Variants in KIN observed in about 807,000 individuals in gnomAD.
The protein encoded by KIN is DNA/RNA-binding protein KIN17.
In KIN, 47 loss-of-function variants were observed where a neutral mutation model predicts 63.0. The ratio of observed to expected loss-of-function variants is 0.75; its 90% CI spans 0.59 to 0.95. KIN has a LOEUF of 0.95. Ranked by LOEUF, KIN falls within the 40% of genes least tolerant of loss-of-function variation. The pLI is 0.00. For synonymous variants in KIN, 160 were observed against 157.7 expected (o/e 1.01, Z -0.11); for missense variants, 408 against 460.9 (o/e 0.89, Z 1.05).
intron 2 of KIN, 115 bp downstream of exon 2, chr10:7,782,966 G>A (rs946051076): frequency 6.5e-6 from 3 of 459,482 alleles, no homozygotes; most frequent in Non-Finnish European, 1.1e-5. Context: ...AGCATAGAGA[G>A]AATACAGTTA....
intron 5 of KIN, among the ~76,000 whole-genome samples, chr10:7,776,216 C>T (rs1269511621): frequency 7.1e-5 from 10 of 141,244 alleles, no homozygotes; most frequent in Admixed American, 4.3e-4. Flanking sequence ...GGTGACAGAA[C>T]GAGACTCCAT....
chr10:7,755,995 C>G lies in KIN; in HGVS notation c.*85G>C, dbSNP rs1256429380. The G allele has an allele frequency of 2.7e-6, 2 of 750,556 alleles. No individual in the cohort carries two copies. The highest frequency in any genetic ancestry group is 4.9e-5 in the Admixed American group (2 of 41,004). The allele number at this position is 750,556 out of a possible 1,614,324, so 46.5% of individuals were successfully genotyped here. ...TTTGTTTTATACAAAAGAATATACC[C>G]TAACACAGTAGAGTCTCATAATGCC... is the stretch of plus-strand genomic sequence containing the variant. On this transcript the variant is annotated 3_prime_UTR_variant, in exon 13 of 13. Coordinates refer to ENST00000379562, the MANE Select transcript of KIN (RefSeq NM_012311.4).
At chr10:7,768,837 T>C (rs1835606698) in intron 8 of KIN, among the ~76,000 whole-genome samples, 1 of 151,892 alleles carries the variant, frequency 6.6e-6, no homozygotes, top group African/African-American at 2.4e-5. Flanking sequence ...GCAAACATGG[T>C]GAAACCCCAT....
Position 7,762,570 on chromosome 10 carries a change from T to C in KIN, c.919-14A>G. On this transcript the variant is annotated splice_polypyrimidine_tract_variant and intron_variant, in intron 10 of 12. Coordinates refer to ENST00000379562, the MANE Select transcript of KIN (RefSeq NM_012311.4). The stretch of plus-strand genomic sequence containing the variant: ...GTCAATTACTTCCTGTCATGTAAAA[T>C]GAACACTTTTATAATAGAAGAAATA... The C allele has an allele frequency of 1.4e-6, 2 of 1,459,110 alleles. No individual in the cohort carries two copies. The highest frequency in any genetic ancestry group is 1.9e-6 in the Non-Finnish European group (2 of 1,044,558). The allele number at this position is 1,459,110 out of a possible 1,614,324, so 90.4% of individuals were successfully genotyped here.
At chr10:7,774,802 T>C in intron 7 of KIN, 29 bp downstream of exon 7, 1 of 1,559,504 alleles carries the variant, frequency 6.4e-7, no homozygotes, top group Non-Finnish European at 8.8e-7. Flanking sequence ...TCCTAATGTT[T>C]TAAGATATCC....
At chr10:7,784,518 T>A (rs1427309213) in intron 1 of KIN, among the ~76,000 whole-genome samples, 1 of 151,570 alleles carries the variant, frequency 6.6e-6, no homozygotes, top group Non-Finnish European at 1.5e-5. Flanking sequence ...AGCCCAGGAG[T>A]TGGAGGATGC....
chr10:7,752,687 C>A lies in KIN; in HGVS notation c.*3393G>T, dbSNP rs1835261474. The A allele has an allele frequency of 6.6e-6, 1 of 152,198 alleles. No individual in the cohort carries two copies. The highest frequency in any genetic ancestry group is 1.5e-5 in the Non-Finnish European group (1 of 68,050). The allele number at this position is 152,198 out of a possible 1,614,324, so 9.4% of individuals were successfully genotyped here. A position where few individuals can be genotyped will look rare whatever the true frequency, so the allele number is the denominator to read the frequency against. On this transcript the variant is annotated 3_prime_UTR_variant, in exon 13 of 13. Coordinates refer to ENST00000379562, the MANE Select transcript of KIN (RefSeq NM_012311.4). ...CAAGATATCCTTCAGTAGGTGAGTG[C>A]ATAAACTGTGGTGCATTCAGACAAT...
At chr10:7,774,978 G>A in intron 6 of KIN, 87 bp from the exon 7 acceptor site, 2 of 947,714 alleles carry the variant, frequency 2.1e-6, no homozygotes, top group Non-Finnish European at 3.3e-6. Flanking sequence ...AGTGTTCACA[G>A]AGGAACTCCA....
intron 8 of KIN, among the ~76,000 whole-genome samples, chr10:7,768,982 A>G (rs1428844156): frequency 1.3e-5 from 2 of 152,054 alleles, no homozygotes; most frequent in African/African-American, 4.8e-5. Context: ...GTGCCACTGC[A>G]CTCCAGCCTG....
intron 5 of KIN, among the ~76,000 whole-genome samples, chr10:7,776,929 C>G (rs1258577751): frequency 2.0e-5 from 3 of 150,250 alleles, no homozygotes; most frequent in Non-Finnish European, 4.4e-5. Context: ...CATTGTGGTG[C>G]ACACCTATAG....
At chr10:7,783,243 T>A in intron 1 of KIN, 68 bp from the exon 2 acceptor site, 1 of 739,892 alleles carries the variant, frequency 1.4e-6, no homozygotes, top group Non-Finnish European at 2.1e-6. Flanking sequence ...TAGAAGTATT[T>A]AGTTAAAACC....
chr10:7,769,367 C>G, intron 7 of KIN, 22 bp from the exon 8 acceptor site: 1 of 1,604,142 alleles, frequency 6.2e-7, no homozygotes, highest in Non-Finnish European at 8.5e-7. Context: ...GAGAACCATG[C>G]TTGTTACCAA....
chr10:7,783,954 C>T (rs1049437104), intron 1 of KIN, among the ~76,000 whole-genome samples: 1 of 152,170 alleles, frequency 6.6e-6, no homozygotes, highest in Non-Finnish European at 1.5e-5. Flanking sequence ...TTTCCACACT[C>T]GATTTTGCTT....
At chr10:7,785,840 G>A (rs1835992337) in intron 1 of KIN, among the ~76,000 whole-genome samples, 1 of 151,960 alleles carries the variant, frequency 6.6e-6, no homozygotes. Context: ...AAAAGGGGTG[G>A]AGGGAAAATG....
At chr10:7,759,155 C>T (rs533847223) in intron 12 of KIN, among the ~76,000 whole-genome samples, 1 of 152,258 alleles carries the variant, frequency 6.6e-6, no homozygotes, top group Admixed American at 6.5e-5. Flanking sequence ...TGAGCTATTA[C>T]TCCCAAGCTC....
rs1430959438 is a variant in KIN at position 7,751,344 on chromosome 10, C to T, written c.*4736G>A. 1 of 152,060 alleles carries T rather than the reference C, an allele frequency of 6.6e-6. No homozygotes were observed. The highest frequency in any genetic ancestry group is 2.4e-5 in the African/African-American group (1 of 41,396). 9.4% of individuals were successfully genotyped at this position (152,060 alleles called of 1,614,324 possible). Reference sequence around the variant, plus strand: ...AACTCTTTTTTTGGACATATCCAACCCATATTTGAAAAAGCAAGTGAGCTC... The same window carrying T: ...AACTCTTTTTTTGGACATATCCAACTCATATTTGAAAAAGCAAGTGAGCTC... On this transcript the variant is annotated 3_prime_UTR_variant, in exon 13 of 13. Coordinates refer to ENST00000379562, the MANE Select transcript of KIN (RefSeq NM_012311.4).
At chr10:7,785,902 A>G (rs1016119011) in intron 1 of KIN, among the ~76,000 whole-genome samples, 2 of 152,198 alleles carry the variant, frequency 1.3e-5, no homozygotes, top group Non-Finnish European at 2.9e-5. Context: ...GAGAAAACTA[A>G]AAGTCCTAAT....
chr10:7,766,014 A>G, intron 9 of KIN, 39 bp downstream of exon 9: 3 of 1,474,268 alleles, frequency 2.0e-6, no homozygotes, highest in Non-Finnish European at 2.8e-6. Flanking sequence ...TCACTTAAAC[A>G]TACATTTAGA....
chr10:7,753,335 T>C lies in KIN; in HGVS notation c.*2745A>G, dbSNP rs1835272160. ...AGGCAGACATGAAACATTTTTTCTC[T>C]GAAGAAAACCACCAAGTTGATTCCA... is the stretch of plus-strand genomic sequence containing the variant. On this transcript the variant is annotated 3_prime_UTR_variant, in exon 13 of 13. Transcript: ENST00000379562. 2 of 152,240 alleles carry C rather than the reference T, an allele frequency of 1.3e-5. No individual in the cohort carries two copies. The highest frequency in any genetic ancestry group is 2.9e-5 in the Non-Finnish European group (2 of 68,034). 9.4% of individuals were successfully genotyped at this position (152,240 alleles called of 1,614,324 possible). A position where few individuals can be genotyped will look rare whatever the true frequency, so the allele number is the denominator to read the frequency against.
Sources: gnomAD v4.1 joint callset for allele counts (sites outside exome capture counted in the v4.1 genomes callset) on GRCh38, gnomAD v4.1.1 for gene constraint, MANE v1.5 for transcripts, NCBI Gene and HGNC (gene_info 2026-07-23, HGNC 2026-07-21) for gene names.